CDK19: variants seen among roughly 807,000 people sequenced by gnomAD.
CDK19 encodes the protein cyclin dependent kinase 19.
In CDK19, 20 loss-of-function variants were observed where a neutral mutation model predicts 68.3. The observed-to-expected ratio is 0.29, with a 90% confidence interval of 0.21 to 0.43. The LOEUF is 0.43. CDK19 is among the 20% of genes least tolerant of loss of function. The pLI is 1.00. For missense variants in CDK19, 339 were observed against 623.5 expected, an observed-to-expected ratio of 0.54 and a Z score of 4.86; for synonymous variants, 221 against 222.8, an observed-to-expected ratio of 0.99 and a Z score of 0.07.
At chr6:110,750,235 A>G (rs551819546) in intron 1 of CDK19, among the ~76,000 whole-genome samples, 5 of 145,862 alleles carry the variant, frequency 3.4e-5, no homozygotes, top group African/African-American at 1.2e-4. Context: ...ACTGTGATGT[A>G]AGTGTGAGAA....
chr6:110,689,747 T>C (rs1212319602), intron 2 of CDK19, among the ~76,000 whole-genome samples: 3 of 152,142 alleles, frequency 2.0e-5, no homozygotes, highest in African/African-American at 7.2e-5. Flanking sequence ...TACCCACTGC[T>C]GAAAGACTTG....
rs1298872851 is a variant in CDK19, at chr6:110,670,497, C to T, written c.249G>A (p.Lys83=). 3.7e-6 allele frequency: 6 copies of T among 1,613,232 alleles called. No homozygotes were observed. The African/African-American group carries it at 6.7e-5, about 18-fold the overall frequency. ...TCCTGTCACTGTGAGAAAGGAACAC[C>T]TTCTGCAATGCAATCACATTAGGGT... ...LKHPNVIALQ[K]VFLSHSDRKV... The change falls in exon 3 of 13, where the codon AAG becomes AAA. Residue 83 remains lysine (K), a synonymous_variant. Transcript: ENST00000368911.
At chr6:110,698,924 A>G (rs1773735371) in intron 2 of CDK19, among the ~76,000 whole-genome samples, 1 of 151,932 alleles carries the variant, frequency 6.6e-6, no homozygotes, top group African/African-American at 2.4e-5. Context: ...TTAGCCAGGC[A>G]TAGTGGCACA....
intron 4 of CDK19, among the ~76,000 whole-genome samples, chr6:110,659,803 A>G (rs1024320497): frequency 3.3e-5 from 5 of 152,236 alleles, no homozygotes; most frequent in African/African-American, 1.2e-4. Flanking sequence ...CAATGTTTCT[A>G]AAAGGGAAGA....
At chr6:110,689,443 A>G (rs1177467164) in intron 2 of CDK19, among the ~76,000 whole-genome samples, 1 of 152,140 alleles carries the variant, frequency 6.6e-6, no homozygotes, top group Non-Finnish European at 1.5e-5. Context: ...CACTACTACC[A>G]CAGGTGGTGC....
At chr6:110,622,617 T>C (rs900129279) in intron 10 of CDK19, among the ~76,000 whole-genome samples, 198 bp downstream of exon 10, 4 of 152,358 alleles carry the variant, frequency 2.6e-5, no homozygotes, top group Admixed American at 2.0e-4. Context: ...CAAATGGTCG[T>C]TCCTAAAATA....
intron 1 of CDK19, among the ~76,000 whole-genome samples, chr6:110,770,840 C>G (rs1466424985): frequency 6.6e-6 from 1 of 152,130 alleles, no homozygotes; most frequent in South Asian, 2.1e-4. Flanking sequence ...AAGGGAGGAA[C>G]TGGCCAAAAC....
At chr6:110,772,914 C>T (rs886758742) in intron 1 of CDK19, among the ~76,000 whole-genome samples, 5 of 149,240 alleles carry the variant, frequency 3.4e-5, no homozygotes, top group African/African-American at 1.2e-4. Flanking sequence ...AAAAGAGAGA[C>T]TCATTAAGAA....
At chr6:110,750,163 T>C (rs1029155818) in intron 1 of CDK19, among the ~76,000 whole-genome samples, 3 of 145,752 alleles carry the variant, frequency 2.1e-5, no homozygotes, top group African/African-American at 7.5e-5. Context: ...GAAAATTACA[T>C]ATGAAGGTTA....
At chr6:110,807,117 T>C (rs1187506831) in intron 1 of CDK19, among the ~76,000 whole-genome samples, 3 of 148,670 alleles carry the variant, frequency 2.0e-5, no homozygotes, top group African/African-American at 5.0e-5. Context: ...CTGAGAGACA[T>C]AGCAAGACCT....
intron 6 of CDK19, among the ~76,000 whole-genome samples, chr6:110,629,668 C>T (rs1779318029): frequency 1.3e-5 from 2 of 152,110 alleles, no homozygotes; most frequent in African/African-American, 4.8e-5. Context: ...GTACTCATTT[C>T]TAACATGGAC....
At chr6:110,646,571 G>GC (rs910641282) in intron 4 of CDK19, 1 of 949,892 alleles carries the variant, frequency 1.1e-6, no homozygotes, top group African/African-American at 1.7e-5. Flanking sequence ...ACGGCCACCT[G>GC]CAGGGGGTCA....
chr6:110,682,891 G>A (rs1772137299), intron 2 of CDK19, among the ~76,000 whole-genome samples: 1 of 152,006 alleles, frequency 6.6e-6, no homozygotes, highest in South Asian at 2.1e-4. Flanking sequence ...ACACAGCACA[G>A]TGGGCCAGGC....
At chr6:110,814,726 C>G (rs904467083) in intron 1 of CDK19, 4 of 613,480 alleles carry the variant, frequency 6.5e-6, no homozygotes, top group Non-Finnish European at 6.1e-6. Flanking sequence ...GGTCCCAACT[C>G]GAGTCCCCCC....
intron 2 of CDK19, among the ~76,000 whole-genome samples, chr6:110,720,338 A>G (rs2114737880): frequency 6.6e-6 from 1 of 152,272 alleles, no homozygotes; most frequent in South Asian, 2.1e-4. Context: ...TTTGATGCCA[A>G]TGTAAAAGCA....
rs976514263 is a variant in CDK19, at chr6:110,717,947, C to T, written c.204+28179G>A. On this transcript the variant is annotated intron_variant, in intron 2 of 12. Transcript: ENST00000368911. ...AACTCCCGACCACAGGTGATCTGCC[C>T]GCCTCGGCCTCCCAAAGTGCTGGGA... Among the ~76,000 whole-genome samples, 13 of 151,990 alleles carry T rather than the reference C, an allele frequency of 8.6e-5. No homozygotes were observed. The East Asian group carries it at 1.5e-3, about 18-fold the overall frequency.
intron 3 of CDK19, among the ~76,000 whole-genome samples, chr6:110,669,069 T>C (rs1341136427): frequency 6.6e-6 from 1 of 152,196 alleles, no homozygotes; most frequent in Non-Finnish European, 1.5e-5. Context: ...ACCCCACTGA[T>C]GTTCAAAGTA....
At chr6:110,624,505 C>CA (rs1260132230) in intron 8 of CDK19, among the ~76,000 whole-genome samples, 2 of 152,046 alleles carry the variant, frequency 1.3e-5, no homozygotes, top group African/African-American at 2.4e-5. Context: ...CACTCAGTGA[C>CA]AAAAAAACCA....
chr6:110,746,571 A>G (rs909872525), intron 1 of CDK19, among the ~76,000 whole-genome samples: 4 of 152,232 alleles, frequency 2.6e-5, no homozygotes, highest in African/African-American at 9.6e-5. Flanking sequence ...TGTTATAGAC[A>G]TTCACTATAA....
Sources: gnomAD v4.1 joint callset for allele counts (sites outside exome capture counted in the v4.1 genomes callset) on GRCh38, gnomAD v4.1.1 for gene constraint, MANE v1.5 for transcripts, NCBI Gene and HGNC (gene_info 2026-07-23, HGNC 2026-07-21) for gene names.